Variants in NPHP1 observed in about 807,000 individuals in gnomAD.
The protein encoded by NPHP1 is nephrocystin-1.
A neutral mutation model predicts 90.4 loss-of-function variants in NPHP1; 70 were observed. The observed-to-expected ratio is 0.77, with a 90% CI of 0.64 to 0.95. NPHP1 has a LOEUF of 0.95. Ranked by LOEUF, NPHP1 falls within the 40% of genes least tolerant of loss-of-function variation. NPHP1 has a pLI of 0.00. For synonymous variants in NPHP1, 256 were observed against 271.7 expected (o/e 0.94, Z 0.57); for missense variants, 764 against 795.9 (o/e 0.96, Z 0.48).
chr2:110,189,823 C>T (rs1408471981), intron 2 of NPHP1, among the ~76,000 whole-genome samples: 1 of 152,102 alleles, frequency 6.6e-6, no homozygotes, highest in African/African-American at 2.4e-5. Flanking sequence ...CAAGTCCCCA[C>T]CAGAGTAGTT....
rs941174098 is a variant in NPHP1, at chr2:110,124,848, T to C, written c.1762-785A>G. ...TAGATGGTACTGATCAAATGGAGGC[T>C]GAAATAAGGATACAATGTATAAATT... On this transcript the variant is annotated intron_variant, in intron 19 of 19. Coordinates refer to ENST00000445609, the MANE Select transcript of NPHP1 (RefSeq NM_001128178.3). 4 of 193,700 alleles carry C rather than the reference T, an allele frequency of 2.1e-5. 1 individual carries two copies. In the East Asian group the frequency reaches 5.6e-4, roughly 27 times the overall value. The allele number at this position is 193,700 out of a possible 1,614,324, so 12.0% of individuals were successfully genotyped here.
chr2:110,201,170 G>A lies in NPHP1; in HGVS notation c.143+251C>T, dbSNP rs539955444. ...GTTTCTGACCAGGTCACAGGATCTG[G>A]GCTACATAGGCTAAGGATTTAGGGT... On this transcript the variant is annotated intron_variant, in intron 2 of 19. Coordinates refer to ENST00000445609, the MANE Select transcript of NPHP1 (RefSeq NM_001128178.3). Among the ~76,000 whole-genome samples, 3 of 152,004 alleles carry A rather than the reference G, an allele frequency of 2.0e-5. No homozygotes were observed. In the South Asian group the frequency reaches 6.3e-4, roughly 32 times the overall value.
rs1264527546 is a variant in NPHP1, at chr2:110,123,434, AT to A, written c.*356del. On this transcript the variant is annotated 3_prime_UTR_variant, in exon 20 of 20. Transcript: ENST00000445609. The stretch of plus-strand genomic sequence containing the variant: ...TTTATCAGTTAGATGATTTGCAAAT[AT>A]GTTTTCCCATTCTGTAGGTTGTTTT... The A allele has an allele frequency of 1.0e-5, 2 of 193,224 alleles. No individual in the cohort carries two copies. The highest frequency in any genetic ancestry group is 2.1e-5 in the Non-Finnish European group (2 of 93,856). 12.0% of individuals were successfully genotyped at this position (193,224 alleles called of 1,614,324 possible). A position where few individuals can be genotyped will look rare whatever the true frequency, so the allele number is the denominator to read the frequency against.
intron 2 of NPHP1, among the ~76,000 whole-genome samples, chr2:110,199,521 C>A (rs144693231): frequency 6.6e-6 from 1 of 151,060 alleles, no homozygotes; most frequent in South Asian, 2.1e-4. Flanking sequence ...TAGCTCGTGG[C>A]GGGGGAGGGG....
intron 14 of NPHP1, 150 bp downstream of exon 14, chr2:110,146,603 T>C (rs1681066614): frequency 4.3e-6 from 3 of 691,850 alleles, no homozygotes; most frequent in South Asian, 1.6e-5. Context: ...GCTGTTTTCA[T>C]ACACTGCCTA....
Position 110,139,086 on chromosome 2 carries a change from C to T in NPHP1, c.1529+4456G>A, listed in dbSNP as rs1680436527. Among the ~76,000 whole-genome samples, 2 of 151,908 alleles carry T rather than the reference C, an allele frequency of 1.3e-5. 1 individual carries two copies. Among genetic ancestry groups the T allele is most frequent in the South Asian group, 4.2e-4 (2 of 4,814 alleles). On this transcript the variant is annotated intron_variant, in intron 16 of 19. Coordinates refer to ENST00000445609, the MANE Select transcript of NPHP1 (RefSeq NM_001128178.3). The stretch of plus-strand genomic sequence containing the variant: ...GGCAATGAACACAATGAATGGGTCT[C>T]AAGCATTCAAGCAACTAACATTATT...
chr2:110,177,355 G>C (rs1055622416), intron 4 of NPHP1, among the ~76,000 whole-genome samples: 5 of 152,052 alleles, frequency 3.3e-5, no homozygotes, highest in Non-Finnish European at 5.9e-5. Flanking sequence ...ATAAAGGTTG[G>C]AGAACAACAC....
rs1259880748 is a variant in NPHP1, at chr2:110,124,004, T to C, written c.1821A>G (p.Pro607=). The part of the protein sequence containing the change: ...FLLVYHDCVL[P]LLHSTRLPPF... ...GGGGTAGGCGTGTGGAGTGGAGAAG[T>C]GGGAGCACGCAGTCATGGTAAACCA... Residue 607 remains proline, a synonymous_variant, in exon 20 of 20, where the codon CCA becomes CCG. Coordinates refer to ENST00000445609, the MANE Select transcript of NPHP1 (RefSeq NM_001128178.3). 1 of 1,614,066 alleles carries C rather than the reference T, an allele frequency of 6.2e-7. No homozygotes were observed.
chr2:110,196,903 G>A (rs940901236), intron 2 of NPHP1, among the ~76,000 whole-genome samples: 2 of 152,082 alleles, frequency 1.3e-5, no homozygotes, highest in Non-Finnish European at 2.9e-5. Context: ...TTATCACAAG[G>A]ACAGAAAACC....
chr2:110,183,995 A>G (rs958245163), intron 2 of NPHP1: 2 of 364,162 alleles, frequency 5.5e-6, no homozygotes, highest in Admixed American at 6.6e-5. Context: ...TAAGAAATTC[A>G]TGAATGGCAC....
intron 11 of NPHP1, among the ~76,000 whole-genome samples, chr2:110,151,792 GTTC>G (rs974142582): frequency 3.7e-4 from 57 of 152,146 alleles, no homozygotes; most frequent in African/African-American, 1.1e-3. Flanking sequence ...TTATTCTAAG[GTTC>G]TTCTTCGTTT....
At chr2:110,166,429 G>C (rs1682734080) in intron 6 of NPHP1, among the ~76,000 whole-genome samples, 1 of 152,208 alleles carries the variant, frequency 6.6e-6, no homozygotes, top group Non-Finnish European at 1.5e-5. Flanking sequence ...ACTGTTGCCA[G>C]AGAACTAAAT....
Position 110,143,555 on chromosome 2 carries a change from T to C in NPHP1, c.1516A>G (p.Arg506Gly). 6.2e-7 allele frequency: 1 copy of C among 1,612,268 alleles called. No individual in the cohort carries two copies. The highest frequency in any genetic ancestry group is 8.5e-7 in the Non-Finnish European group (1 of 1,178,256). The change falls in exon 16 of 20, where the codon AGA (arginine) becomes GGA (glycine). Residue 506 changes from arginine (R) to glycine (G), a missense_variant. By Grantham distance (125) the Arg-to-Gly change is moderately radical. Transcript: ENST00000445609. ...GCAGGTACCCACCTTAGTACATTTCTTGATCTTCTGTTCAAGGATCTCAGT... is the reference window on the plus strand; with the variant it reads ...GCAGGTACCCACCTTAGTACATTTCCTGATCTTCTGTTCAAGGATCTCAGT... Reference protein sequence around the residue: ...VKLRSLNRRSRNVLSLLPETL... With the variant: ...VKLRSLNRRSGNVLSLLPETL...
intron 2 of NPHP1, among the ~76,000 whole-genome samples, chr2:110,189,930 G>A (rs192932043): frequency 8.5e-4 from 129 of 152,182 alleles, no homozygotes; most frequent in African/African-American, 2.8e-3. Flanking sequence ...ACAGAGTGCC[G>A]ATTGGTGTGT....
chr2:110,140,069 G>T (rs1680516146), intron 16 of NPHP1, among the ~76,000 whole-genome samples: 1 of 152,020 alleles, frequency 6.6e-6, no homozygotes, highest in South Asian at 2.1e-4. Flanking sequence ...CAAGGCCCAG[G>T]TTTCACTGCC....
chr2:110,184,964 A>G, intron 2 of NPHP1: 1 of 652,798 alleles, frequency 1.5e-6, no homozygotes. Context: ...ACTTTTCTCC[A>G]ACATCGTCCT....
At chr2:110,188,219 T>C (rs1272652699) in intron 2 of NPHP1, among the ~76,000 whole-genome samples, 1 of 152,134 alleles carries the variant, frequency 6.6e-6, no homozygotes, top group Non-Finnish European at 1.5e-5. Flanking sequence ...AGAGAGGAAC[T>C]CAAATTATCC....
In NPHP1 at chr2:110,143,610, T is replaced by C. The variant is rs1198537183; in HGVS notation, c.1461A>G (p.Thr487=). 2 of 1,613,616 alleles carry C rather than the reference T, an allele frequency of 1.2e-6. No individual in the cohort carries two copies. The highest frequency in any genetic ancestry group is 2.2e-5 in the East Asian group (1 of 44,862). ...AHGSVFYQIM[T]MRRQPQLLVK... Reference sequence around the variant, plus strand: ...CTAGAAGTTGAGGCTGCCTTCTCATTGTCATAATCTGGTAGAAAACACTGC... The same window carrying C: ...CTAGAAGTTGAGGCTGCCTTCTCATCGTCATAATCTGGTAGAAAACACTGC... The change falls in exon 16 of 20, where the codon ACA becomes ACG. Residue 487 remains threonine, a synonymous_variant. Coordinates refer to ENST00000445609, the MANE Select transcript of NPHP1 (RefSeq NM_001128178.3).
Position 110,169,805 on chromosome 2 carries a change from C to T in NPHP1, c.522+1G>A. 6.2e-7 allele frequency: 1 copy of T among 1,606,562 alleles called. No individual in the cohort carries two copies. The stretch of plus-strand genomic sequence containing the variant: ...TTAGGTTTCAGTCTTATTCTACCTA[C>T]CTTAAATGTAAGATCTCCAACTTGC... On this transcript the variant is annotated splice_donor_variant, in intron 5 of 19. Transcript: ENST00000445609. LOFTEE classifies it high-confidence loss of function.
Sources: gnomAD v4.1 joint callset for allele counts (sites outside exome capture counted in the v4.1 genomes callset) on GRCh38, gnomAD v4.1.1 for gene constraint, MANE v1.5 for transcripts, NCBI Gene and HGNC (gene_info 2026-07-23, HGNC 2026-07-21) for gene names.